The following TPCN2 variants were observed in gnomAD, a reference collection of about 807,000 sequenced individuals.
The protein encoded by TPCN2 is two pore segment channel 2.
A neutral mutation model predicts 111.4 loss-of-function variants in TPCN2; 92 were observed. The ratio of observed to expected loss-of-function variants is 0.83; its 90% confidence interval spans 0.70 to 0.98. The LOEUF (loss-of-function observed/expected upper bound fraction) is 0.98. TPCN2 is among the 50% of genes least tolerant of loss of function. The probability of loss-of-function intolerance (pLI) is 0.00; values close to 1 mark genes in which losing one functional copy is unlikely to be tolerated. For synonymous variants in TPCN2, 405 were observed against 414.5 expected (o/e 0.98, Z 0.28); for missense variants, 995 against 980.1 (o/e 1.02, Z -0.20).
intron 19 of TPCN2, 38 bp from the exon 20 acceptor site, chr11:69,085,172 G>T: frequency 6.3e-7 from 1 of 1,596,096 alleles, no homozygotes; most frequent in South Asian, 1.1e-5. Flanking sequence ...GTGCACCCAT[G>T]GGTGGGGCTG....
chr11:69,057,439 T>C (rs1382681779), intron 4 of TPCN2, 139 bp from the exon 5 acceptor site: 1 of 788,234 alleles, frequency 1.3e-6, no homozygotes, highest in African/African-American at 1.7e-5. Flanking sequence ...ACTGCTGCTC[T>C]GCGTCCCGTG....
rs563571275 is a variant in TPCN2, at chr11:69,090,101, G to A, written c.*2148G>A. On this transcript the variant is annotated 3_prime_UTR_variant, in exon 25 of 25. Coordinates refer to ENST00000294309, the MANE Select transcript of TPCN2 (RefSeq NM_139075.4). The stretch of plus-strand genomic sequence containing the variant: ...ATCAGGAACCAGGATGTGGGTGCGA[G>A]GCGTGCTCCTGGCTGTTGCAGATTG... 1 of 152,292 alleles carries A rather than the reference G, an allele frequency of 6.6e-6. No homozygotes were observed. The highest frequency in any genetic ancestry group is 1.9e-4 in the East Asian group (1 of 5,180). 9.4% of individuals were successfully genotyped at this position (152,292 alleles called of 1,614,324 possible). A position where few individuals can be genotyped will look rare whatever the true frequency, so the allele number is the denominator to read the frequency against.
At chr11:69,081,608 A>G in intron 18 of TPCN2, 109 bp downstream of exon 18, 1 of 700,266 alleles carries the variant, frequency 1.4e-6, no homozygotes, top group South Asian at 1.9e-5. Context: ...TGTGCCCGTC[A>G]CCCTGGGCTC....
rs986684160 is a variant in TPCN2 at position 69,085,148 on chromosome 11, G to A, written c.1762-62G>A. On this transcript the variant is annotated intron_variant, in intron 19 of 24. Transcript: ENST00000294309. ...CTCTGGCTTTGCGGTTCTGTCTGGG[G>A]AGGGTGGTGGTGGGTGCACCCATGG... The A allele has an allele frequency of 1.4e-5, 21 of 1,457,660 alleles. No homozygotes were observed. In the African/African-American group the frequency reaches 2.8e-4, roughly 19 times the overall value. The allele number at this position is 1,457,660 out of a possible 1,614,324, so 90.3% of individuals were successfully genotyped here.
intron 1 of TPCN2, among the ~76,000 whole-genome samples, chr11:69,050,000 C>T (rs1263336137): frequency 1.3e-5 from 2 of 152,234 alleles, no homozygotes; most frequent in African/African-American, 2.4e-5. Flanking sequence ...GGCTCCTTCC[C>T]TCTCTGGCCT....
chr11:69,086,996 G>GA, intron 23 of TPCN2, 116 bp from the exon 24 acceptor site: 1 of 820,760 alleles, frequency 1.2e-6, no homozygotes, highest in East Asian at 2.7e-5. Context: ...TGTCCAGGGT[G>GA]AATGGCTCAG....
chr11:69,061,028 C>G (rs528375650), intron 5 of TPCN2, among the ~76,000 whole-genome samples: 1 of 152,192 alleles, frequency 6.6e-6, no homozygotes, highest in Admixed American at 6.5e-5. Context: ...TGCAGATGTT[C>G]TGGAGGGCCT....
At chr11:69,079,099 A>T (rs1282755506) in intron 16 of TPCN2, 79 bp downstream of exon 16, 3 of 1,510,462 alleles carry the variant, frequency 2.0e-6, no homozygotes, top group Non-Finnish European at 2.7e-6. Context: ...GGCCCATCTC[A>T]GGCCTCCCCT....
At chr11:69,056,643 C>G (rs1401560806) in intron 4 of TPCN2, among the ~76,000 whole-genome samples, 1 of 151,048 alleles carries the variant, frequency 6.6e-6, no homozygotes, top group Non-Finnish European at 1.5e-5. Flanking sequence ...AGGTGATTCT[C>G]CTGCCTCAGC....
rs116438871 is a variant in TPCN2, at chr11:69,056,275, G to C, written c.429+923G>C. On this transcript the variant is annotated intron_variant, in intron 4 of 24. Coordinates refer to ENST00000294309, the MANE Select transcript of TPCN2 (RefSeq NM_139075.4). ...GCCCGGCACTGCCCTGTAGTCCCTT[G>C]TGGGCAGGGCGGGCTGTGTGCCGAC... Among the ~76,000 whole-genome samples, 1,467 of 152,320 alleles carry C rather than the reference G, an allele frequency of 9.6e-3. 20 individuals are homozygous for C. Among genetic ancestry groups the C allele is most frequent in the African/African-American group, 0.034 (1,410 of 41,566 alleles).
intron 8 of TPCN2, among the ~76,000 whole-genome samples, chr11:69,068,248 C>G (rs1009575853): frequency 1.3e-5 from 2 of 152,026 alleles, no homozygotes; most frequent in African/African-American, 4.8e-5. Context: ...CCTCTGAGTC[C>G]TAGGAAGTGA....
chr11:69,079,745 T>G, intron 16 of TPCN2, 89 bp from the exon 17 acceptor site: 1 of 1,230,732 alleles, frequency 8.1e-7, no homozygotes, highest in Non-Finnish European at 1.2e-6. Context: ...GGGGAGAATG[T>G]GTTAGAGATG....
At chr11:69,082,367 C>T (rs990468837) in intron 18 of TPCN2, among the ~76,000 whole-genome samples, 28 of 152,262 alleles carry the variant, frequency 1.8e-4, no homozygotes, top group African/African-American at 6.8e-4. Context: ...TACACAGTCA[C>T]ACATATACAA....
At chr11:69,057,549 T>C in intron 4 of TPCN2, 29 bp from the exon 5 acceptor site, 2 of 1,600,200 alleles carry the variant, frequency 1.2e-6, no homozygotes, top group Admixed American at 3.3e-5. Flanking sequence ...TGGGGCTACT[T>C]GCTGCTCACC....
intron 8 of TPCN2, among the ~76,000 whole-genome samples, 199 bp downstream of exon 8, chr11:69,067,804 C>T (rs946894068): frequency 1.3e-5 from 2 of 152,216 alleles, no homozygotes; most frequent in Admixed American, 6.5e-5. Flanking sequence ...TTCTCCCTCT[C>T]TCTTGTCCCT....
chr11:69,055,056 G>A (rs987878554), intron 3 of TPCN2, 119 bp from the exon 4 acceptor site: 12 of 1,111,466 alleles, frequency 1.1e-5, no homozygotes, highest in Middle Eastern at 2.1e-4. Context: ...CCCCAGTCAC[G>A]AGTGTCCACG....
At chr11:69,066,033 G>A (rs1158004814) in intron 7 of TPCN2, among the ~76,000 whole-genome samples, 2 of 152,146 alleles carry the variant, frequency 1.3e-5, no homozygotes, top group Non-Finnish European at 2.9e-5. Context: ...GAGATGGGCC[G>A]GGGCAGGGCC....
At chr11:69,064,786 C>T (rs1298438210) in intron 7 of TPCN2, among the ~76,000 whole-genome samples, 1 of 152,214 alleles carries the variant, frequency 6.6e-6, no homozygotes, top group Admixed American at 6.5e-5. Context: ...GGTCATTGAG[C>T]CCCTGTGTGG....
At chr11:69,050,274 G>A (rs1052772786) in intron 1 of TPCN2, among the ~76,000 whole-genome samples, 3 of 152,210 alleles carry the variant, frequency 2.0e-5, no homozygotes, top group African/African-American at 7.2e-5. Flanking sequence ...TTGATGAGAC[G>A]CCCAGCATAT....
Sources: gnomAD v4.1 joint callset for allele counts (sites outside exome capture counted in the v4.1 genomes callset) on GRCh38, gnomAD v4.1.1 for gene constraint, MANE v1.5 for transcripts, NCBI Gene and HGNC (gene_info 2026-07-23, HGNC 2026-07-21) for gene names.